ELAPOR2: variants seen among roughly 807,000 people sequenced by gnomAD.
The protein encoded by ELAPOR2 is endosome/lysosome-associated apoptosis and autophagy regulator family member 2.
ELAPOR2 carries 89 observed loss-of-function variants against 120.7 expected under a neutral mutation model. The ratio of observed to expected loss-of-function variants is 0.74; its 90% CI spans 0.62 to 0.88. The LOEUF (loss-of-function observed/expected upper bound fraction) is 0.88, where lower values mean the gene tolerates loss of function less well. Ranked by LOEUF, ELAPOR2 falls within the 40% of genes least tolerant of loss-of-function variation. The pLI is 0.00. For synonymous variants in ELAPOR2, 444 were observed against 444.9 expected (o/e 1.00, Z 0.03); for missense variants, 1,134 against 1,251.6 (o/e 0.91, Z 1.42).
At chr7:87,022,522 G>A (rs186316552) in intron 1 of ELAPOR2, among the ~76,000 whole-genome samples, 3 of 152,062 alleles carry the variant, frequency 2.0e-5, no homozygotes, top group Non-Finnish European at 2.9e-5. Context: ...GCTATTGTGA[G>A]TAGTGCCCCA....
At chr7:86,900,012 A>G (rs1788643251) in intron 18 of ELAPOR2, among the ~76,000 whole-genome samples, 1 of 152,164 alleles carries the variant, frequency 6.6e-6, no homozygotes, top group Admixed American at 6.6e-5. Flanking sequence ...TTTCTTAAAA[A>G]TTAGGTAAAC....
chr7:86,880,074 T>C lies in ELAPOR2; in HGVS notation c.*397A>G, dbSNP rs1182366044. 1 of 161,606 alleles carries C rather than the reference T, an allele frequency of 6.2e-6. No individual in the cohort carries two copies. The highest frequency in any genetic ancestry group is 1.3e-5 in the Non-Finnish European group (1 of 74,268). The allele number at this position is 161,606 out of a possible 1,614,324, so 10.0% of individuals were successfully genotyped here. ...AAACAAAGAAAAAACATAAATTGGATCATAATGCATATGCTCACATGTGCC... is the reference window on the plus strand; with the variant it reads ...AAACAAAGAAAAAACATAAATTGGACCATAATGCATATGCTCACATGTGCC... On this transcript the variant is annotated 3_prime_UTR_variant, in exon 22 of 22. Transcript: ENST00000450689.
intron 1 of ELAPOR2, among the ~76,000 whole-genome samples, chr7:87,008,366 G>A (rs530102871): frequency 6.6e-6 from 1 of 152,122 alleles, no homozygotes; most frequent in African/African-American, 2.4e-5. Context: ...ATAAAGAAAT[G>A]CAATGTGAGA....
chr7:86,929,574 T>A (rs528411456), intron 8 of ELAPOR2, among the ~76,000 whole-genome samples: 6 of 152,014 alleles, frequency 3.9e-5, no homozygotes, highest in Admixed American at 1.3e-4. Context: ...GCTCAACATG[T>A]ACAGTTGTGT....
intron 8 of ELAPOR2, 72 bp from the exon 9 acceptor site, chr7:86,926,988 A>G: frequency 1.5e-6 from 2 of 1,367,774 alleles, no homozygotes; most frequent in African/African-American, 1.5e-5. Flanking sequence ...TTAAACTGGC[A>G]GTATAGGAAA....
At position 86,886,631 on chromosome 7, in the gene ELAPOR2, T is replaced by A. The variant is rs1214149572; in HGVS notation, c.3030+5093A>T. Reference sequence around the variant, plus strand: ...CTCTACAGCTTGATAGTCCCATTTATGGTCGCTCAACAAGGTAGAAAAGGC... The same window carrying A: ...CTCTACAGCTTGATAGTCCCATTTAAGGTCGCTCAACAAGGTAGAAAAGGC... On this transcript the variant is annotated intron_variant, in intron 21 of 21. Coordinates refer to ENST00000450689, the MANE Select transcript of ELAPOR2 (RefSeq NM_001142749.3). Among the ~76,000 whole-genome samples, 3 of 152,150 alleles carry A rather than the reference T, an allele frequency of 2.0e-5. No individual in the cohort carries two copies. In the East Asian group the frequency reaches 5.8e-4, roughly 29 times the overall value.
At position 86,977,573 on chromosome 7, in the gene ELAPOR2, A is replaced by C. The variant is rs547036893; in HGVS notation, c.190-12549T>G. On this transcript the variant is annotated intron_variant, in intron 1 of 21. Coordinates refer to ENST00000450689, the MANE Select transcript of ELAPOR2 (RefSeq NM_001142749.3). ...TGTCTCCTGAGGAATCAATAACCTCAAAGTAAATTTTAAAATAATTCTTCA... is the reference window on the plus strand; with the variant it reads ...TGTCTCCTGAGGAATCAATAACCTCCAAGTAAATTTTAAAATAATTCTTCA... 6.6e-5 allele frequency among the ~76,000 whole-genome samples: 10 copies of C among 152,332 alleles called. No individual in the cohort carries two copies. The East Asian group carries it at 1.9e-3, about 29-fold the overall frequency.
intron 8 of ELAPOR2, among the ~76,000 whole-genome samples, chr7:86,932,339 C>T (rs1790363794): frequency 1.3e-5 from 2 of 151,902 alleles, no homozygotes; most frequent in African/African-American, 4.8e-5. Context: ...GCCTCCTCCC[C>T]TCTCCATTCC....
intron 1 of ELAPOR2, among the ~76,000 whole-genome samples, chr7:87,004,825 C>A (rs1200298786): frequency 6.6e-6 from 1 of 152,110 alleles, no homozygotes; most frequent in East Asian, 1.9e-4. Context: ...GAAAAATGAT[C>A]TACAACTTTA....
chr7:86,999,511 A>G (rs1793240404), intron 1 of ELAPOR2, among the ~76,000 whole-genome samples: 1 of 152,206 alleles, frequency 6.6e-6, no homozygotes. Context: ...TAAAATGCAG[A>G]GTAAAGAATA....
intron 2 of ELAPOR2, among the ~76,000 whole-genome samples, chr7:86,949,766 CTT>C (rs1461490821): frequency 6.6e-6 from 1 of 152,244 alleles, no homozygotes; most frequent in East Asian, 1.9e-4. Flanking sequence ...CTCCTCCAGA[CTT>C]TGGCCACCAA....
intron 2 of ELAPOR2, among the ~76,000 whole-genome samples, chr7:86,949,529 G>C (rs1290215791): frequency 6.6e-6 from 1 of 152,154 alleles, no homozygotes; most frequent in African/African-American, 2.4e-5. Flanking sequence ...GAGCAGGCAG[G>C]AGCTCCACCA....
chr7:86,911,878 A>T (rs1054294334), intron 15 of ELAPOR2, 194 bp downstream of exon 15: 5 of 610,752 alleles, frequency 8.2e-6, no homozygotes, highest in Admixed American at 2.8e-5. Context: ...ATACACTGAG[A>T]ACCAGACAAG....
intron 1 of ELAPOR2, among the ~76,000 whole-genome samples, chr7:87,013,713 C>T (rs1181385725): frequency 6.6e-6 from 1 of 152,162 alleles, no homozygotes; most frequent in Non-Finnish European, 1.5e-5. Flanking sequence ...CTTACATCAT[C>T]AAATTAACTT....
At chr7:87,039,757 G>A (rs56405643) in intron 1 of ELAPOR2, among the ~76,000 whole-genome samples, 220 of 151,856 alleles carry the variant, frequency 1.4e-3, no homozygotes, top group Middle Eastern at 6.8e-3. Context: ...GGAACATACC[G>A]AGGGAGGAGC....
chr7:87,041,112 G>A (rs540905418), intron 1 of ELAPOR2, among the ~76,000 whole-genome samples: 1 of 152,318 alleles, frequency 6.6e-6, no homozygotes, highest in South Asian at 2.1e-4. Context: ...ATGGGATTAT[G>A]TGAAAAGACC....
chr7:86,883,775 T>A (rs935759447), intron 21 of ELAPOR2, among the ~76,000 whole-genome samples: 1 of 152,210 alleles, frequency 6.6e-6, no homozygotes, highest in South Asian at 2.1e-4. Flanking sequence ...TACATGTTAC[T>A]CTCAGGGGTG....
In ELAPOR2 at chr7:86,947,788, T is replaced by C; in HGVS notation, c.445A>G (p.Ile149Val). The C allele has an allele frequency of 2.6e-6, 4 of 1,551,826 alleles. No individual in the cohort carries two copies. Among genetic ancestry groups the C allele is most frequent in the Non-Finnish European group, 1.7e-6 (2 of 1,147,022 alleles). ...ACCACAGTGTCCATGAATGTTGCGA[T>C]GTTAGAAAATCCTGCCGGCAATTCA... ...WDELPAGFSN[I>V]ATFMDTVVGP... is the part of the protein sequence containing the mutation. Residue 149 changes from isoleucine (I) to valine (V), a missense_variant, in exon 3 of 22, where the codon ATC (isoleucine) becomes GTC (valine). Physicochemically the swap from Ile to Val is conservative, Grantham distance 29. Coordinates refer to ENST00000450689, the MANE Select transcript of ELAPOR2 (RefSeq NM_001142749.3).
chr7:86,923,349 C>A (rs2116203614), intron 10 of ELAPOR2, among the ~76,000 whole-genome samples: 1 of 151,988 alleles, frequency 6.6e-6, no homozygotes, highest in East Asian at 1.9e-4. Flanking sequence ...CTTATTTGAT[C>A]ATTCCACATT....
Sources: gnomAD v4.1 joint callset for allele counts (sites outside exome capture counted in the v4.1 genomes callset) on GRCh38, gnomAD v4.1.1 for gene constraint, MANE v1.5 for transcripts, NCBI Gene and HGNC (gene_info 2026-07-23, HGNC 2026-07-21) for gene names.